The following SIL1 variants were observed in gnomAD, a reference collection of about 807,000 sequenced individuals.
The protein encoded by SIL1 is nucleotide exchange factor SIL1.
SIL1 carries 40 observed loss-of-function variants against 49.1 expected under a neutral mutation model. The observed-to-expected ratio is 0.81, with a 90% CI of 0.63 to 1.06. SIL1 has a LOEUF of 1.06. Among genes scored for constraint, SIL1 ranks in the 50% least tolerant of loss-of-function variants. The pLI is 0.00. For missense variants in SIL1, 500 were observed against 572.6 expected (o/e 0.87, Z 1.29); for synonymous variants, 253 against 250.8 (o/e 1.01, Z -0.08).
chr5:139,080,872 G>C (rs1318057403), intron 3 of SIL1, among the ~76,000 whole-genome samples: 1 of 152,198 alleles, frequency 6.6e-6, no homozygotes, highest in Non-Finnish European at 1.5e-5. Flanking sequence ...TATAACCAAA[G>C]TAGCCAAGTT....
rs550813741 is a variant in SIL1 at position 138,983,093 on chromosome 5, G to C, written c.768-31209C>G. On this transcript the variant is annotated intron_variant, in intron 7 of 9. Coordinates refer to ENST00000394817, the MANE Select transcript of SIL1 (RefSeq NM_022464.5). Reference sequence around the variant, plus strand: ...GCACCTATTAGTCCCAGCAACTCAGGGGGGCTGAGGCACGAGAATCACTTG... The same window carrying C: ...GCACCTATTAGTCCCAGCAACTCAGCGGGGCTGAGGCACGAGAATCACTTG... 6.4e-4 allele frequency among the ~76,000 whole-genome samples: 97 copies of C among 151,648 alleles called. 1 individual carries two copies. Among genetic ancestry groups the C allele is most frequent in the African/African-American group, 2.2e-3 (91 of 41,256 alleles).
chr5:138,988,804 T>C (rs1767697317), intron 7 of SIL1, among the ~76,000 whole-genome samples: 1 of 151,986 alleles, frequency 6.6e-6, no homozygotes. Context: ...GCCCAGGAGG[T>C]TGAAGCTGCA....
chr5:139,180,381 CAAA>C (rs35534058), intron 1 of SIL1, among the ~76,000 whole-genome samples: 3 of 57,056 alleles, frequency 5.3e-5, no homozygotes, highest in Admixed American at 4.4e-4. Flanking sequence ...AACTCCATCT[CAAA>C]AAAAAAAAAA....
intron 1 of SIL1, among the ~76,000 whole-genome samples, chr5:139,148,349 C>T (rs1212041196): frequency 6.6e-6 from 1 of 152,128 alleles, no homozygotes; most frequent in African/African-American, 2.4e-5. Context: ...CAGCAGTGTC[C>T]TAGGCTGGAA....
At chr5:139,147,329 C>T (rs1275847000) in intron 1 of SIL1, among the ~76,000 whole-genome samples, 2 of 152,152 alleles carry the variant, frequency 1.3e-5, no homozygotes, top group South Asian at 2.1e-4. Context: ...CACCACTTAC[C>T]CTCATCAGCA....
chr5:139,028,930 A>T (rs1581042254), intron 5 of SIL1, among the ~76,000 whole-genome samples: 1 of 152,174 alleles, frequency 6.6e-6, no homozygotes. Context: ...ACTCTCTTAC[A>T]TCCCTGTGCC....
chr5:139,148,442 T>C (rs1409989134), intron 1 of SIL1, among the ~76,000 whole-genome samples: 1 of 152,196 alleles, frequency 6.6e-6, no homozygotes, highest in East Asian at 1.9e-4. Context: ...CCTGCCACAG[T>C]AGGCTCCATG....
intron 7 of SIL1, 101 bp downstream of exon 7, chr5:139,021,070 A>G: frequency 6.6e-7 from 1 of 1,525,188 alleles, no homozygotes; most frequent in South Asian, 1.1e-5. Context: ...TTGAGATGAC[A>G]CTGAAATGTC....
In SIL1 at chr5:139,021,179, G is replaced by C. The variant is rs769265983; in HGVS notation, c.759C>G (p.Ala253=). The C allele has an allele frequency of 6.2e-7, 1 of 1,614,016 alleles. No homozygotes were observed. Among genetic ancestry groups the C allele is most frequent in the Non-Finnish European group, 8.5e-7 (1 of 1,180,046 alleles). ...KEYAAFVLGA[A]FSSNPKVQVE... Reference sequence around the variant, plus strand: ...TCCATTATACTGCTCACCTGGAAAAGGCAGCGCCCAGCACAAACGCAGCAT... The same window carrying C: ...TCCATTATACTGCTCACCTGGAAAACGCAGCGCCCAGCACAAACGCAGCAT... Residue 253 remains alanine (A), a synonymous_variant, in exon 7 of 10, where the codon GCC becomes GCG. Transcript: ENST00000394817.
intron 7 of SIL1, among the ~76,000 whole-genome samples, chr5:139,019,331 A>G (rs1768468083): frequency 6.6e-6 from 1 of 152,196 alleles, no homozygotes; most frequent in Non-Finnish European, 1.5e-5. Context: ...CCTTGCATCA[A>G]GTTCCTCTTT....
At chr5:139,005,132 T>G (rs1768081441) in intron 7 of SIL1, among the ~76,000 whole-genome samples, 1 of 152,200 alleles carries the variant, frequency 6.6e-6, no homozygotes, top group Admixed American at 6.5e-5. Flanking sequence ...GGATGTTAAG[T>G]GCTCTCACCA....
intron 1 of SIL1, chr5:139,131,711 C>G (rs529677084): frequency 5.5e-4 from 83 of 152,292 alleles, no homozygotes; most frequent in African/African-American, 2.0e-3. Context: ...ATTGAGTTCA[C>G]AGCACCACAC....
chr5:139,047,097 C>T (rs1038094916), intron 4 of SIL1, among the ~76,000 whole-genome samples: 4 of 152,110 alleles, frequency 2.6e-5, no homozygotes, highest in Non-Finnish European at 4.4e-5. Flanking sequence ...AACCACTATA[C>T]CATATTGGAC....
chr5:139,170,885 A>G (rs1479856416), intron 1 of SIL1, among the ~76,000 whole-genome samples: 1 of 109,488 alleles, frequency 9.1e-6, no homozygotes. Context: ...GCCTCTGCCC[A>G]GCCGCCCCTA....
intron 5 of SIL1, among the ~76,000 whole-genome samples, chr5:139,037,523 A>AT (rs1287540093): frequency 2.0e-5 from 3 of 151,710 alleles, no homozygotes; most frequent in African/African-American, 4.8e-5. Flanking sequence ...AAGCTCTGTT[A>AT]TTTTTTTTCT....
At chr5:139,151,170 C>T (rs1751291473) in intron 1 of SIL1, among the ~76,000 whole-genome samples, 1 of 152,140 alleles carries the variant, frequency 6.6e-6, no homozygotes, top group Admixed American at 6.5e-5. Flanking sequence ...CAACCATTGG[C>T]CCCCACACCA....
chr5:139,162,391 C>A (rs555944405), intron 1 of SIL1, among the ~76,000 whole-genome samples: 2 of 152,298 alleles, frequency 1.3e-5, no homozygotes, highest in East Asian at 3.9e-4. Context: ...AACCAATTCA[C>A]TAAAGCTTGC....
intron 5 of SIL1, among the ~76,000 whole-genome samples, chr5:139,042,034 T>G (rs1769059141): frequency 6.6e-6 from 1 of 152,176 alleles, no homozygotes; most frequent in South Asian, 2.1e-4. Context: ...GCCAAGGGGC[T>G]GTAATTCTTC....
At chr5:139,023,728 T>G (rs377413683) in intron 6 of SIL1, among the ~76,000 whole-genome samples, 1 of 152,212 alleles carries the variant, frequency 6.6e-6, no homozygotes, top group African/African-American at 2.4e-5. Context: ...GCTAGGAAAG[T>G]GCCATCTTCC....
Sources: allele counts gnomAD v4.1 joint callset (sites outside exome capture counted in the v4.1 genomes callset), GRCh38; gene constraint gnomAD v4.1.1; transcripts MANE v1.5; gene names NCBI Gene and HGNC (gene_info 2026-07-23, HGNC 2026-07-21).